Variants in KDM4A observed in about 807,000 individuals in gnomAD.
The protein encoded by KDM4A is lysine-specific demethylase 4A.
Under a neutral mutation model 127.1 loss-of-function variants are expected in KDM4A, and 23 were observed. The ratio of observed to expected loss-of-function variants is 0.18; its 90% CI spans 0.13 to 0.26. The LOEUF is 0.26. Ranked by LOEUF, KDM4A falls within the 10% of genes least tolerant of loss-of-function variation. The pLI, the probability that KDM4A is intolerant of heterozygous loss-of-function variation, is 1.00. For missense variants in KDM4A, 890 were observed against 1,329.1 expected (o/e 0.67, Z 5.14); for synonymous variants, 443 against 466.5 (o/e 0.95, Z 0.65).
chr1:43,667,056 C>T lies in KDM4A; in HGVS notation c.880C>T (p.Arg294Cys), dbSNP rs759387961. The T allele has an allele frequency of 2.4e-5, 38 of 1,614,004 alleles. No homozygotes were observed. Among genetic ancestry groups the T allele is most frequent in the Non-Finnish European group, 2.5e-5 (29 of 1,180,038 alleles). Residue 294 changes from arginine to cysteine, a missense_variant, in exon 8 of 22, where the codon CGT (arginine) becomes TGT (cysteine). Coordinates refer to ENST00000372396, the MANE Select transcript of KDM4A (RefSeq NM_014663.3). ...NCAESTNFAT[R>C]RWIEYGKQAV... Reference sequence around the variant, plus strand: ...TGCGGAGTCTACCAATTTTGCTACCCGTCGGTGGATTGAGTACGGCAAGCA... The same window carrying T: ...TGCGGAGTCTACCAATTTTGCTACCTGTCGGTGGATTGAGTACGGCAAGCA...
intron 11 of KDM4A, among the ~76,000 whole-genome samples, chr1:43,678,247 G>A (rs1660784256): frequency 1.3e-5 from 2 of 152,082 alleles, no homozygotes; most frequent in South Asian, 4.1e-4. Flanking sequence ...GGGGTGGGAG[G>A]GTTGGTCTGT....
At position 43,688,894 on chromosome 1, in the gene KDM4A, A is replaced by T. The variant is rs1352943600; in HGVS notation, c.1856-20A>T. 1 of 1,611,206 alleles carries T rather than the reference A, an allele frequency of 6.2e-7. No homozygotes were observed. Among genetic ancestry groups the T allele is most frequent in the Non-Finnish European group, 8.5e-7 (1 of 1,178,260 alleles). On this transcript the variant is annotated intron_variant, in intron 12 of 21. Transcript: ENST00000372396. This position sits in a 1 kb window ranked among gnomAD's most constrained non-coding sequence, Gnocchi z 4.4. ...ATGTGCAGGGTTAGTGCTGACTCAC[A>T]CTTCTGTTTCCTCCTCTAGAGACAT...
rs2154048662 is a variant in KDM4A at position 43,692,380 on chromosome 1, G to A, written c.2375+69G>A. The stretch of plus-strand genomic sequence containing the variant: ...CGAAGCACACAGTGTCTTTGTGAGG[G>A]TACTAGCTGTTCTTCTGAATGACTG... On this transcript the variant is annotated intron_variant, in intron 16 of 21. Transcript: ENST00000372396. 1.1e-5 allele frequency: 15 copies of A among 1,315,606 alleles called. No individual in the cohort carries two copies. The South Asian group carries it at 1.6e-4, about 14-fold the overall frequency. 81.5% of individuals were successfully genotyped at this position (1,315,606 alleles called of 1,614,324 possible).
At position 43,688,150 on chromosome 1, in the gene KDM4A, G is replaced by C. The variant is rs542864300; in HGVS notation, c.1856-764G>C. On this transcript the variant is annotated intron_variant, in intron 12 of 21. Coordinates refer to ENST00000372396, the MANE Select transcript of KDM4A (RefSeq NM_014663.3). This position sits in a 1 kb window ranked among gnomAD's most constrained non-coding sequence, Gnocchi z 4.4. ...TTGAGCCCAGGAGTTTGAGGCTGTGGTGAGCTATGATCGCACATGTAAATA... is the reference window on the plus strand; with the variant it reads ...TTGAGCCCAGGAGTTTGAGGCTGTGCTGAGCTATGATCGCACATGTAAATA... Among the ~76,000 whole-genome samples the C allele has an allele frequency of 1.7e-4, 26 of 152,260 alleles. No individual in the cohort carries two copies. Among genetic ancestry groups the C allele is most frequent in the Admixed American group, 1.6e-3 (24 of 15,294 alleles).
chr1:43,682,411 T>C (rs981341615), intron 11 of KDM4A, among the ~76,000 whole-genome samples: 2 of 152,180 alleles, frequency 1.3e-5, no homozygotes, highest in African/African-American at 4.8e-5. Context: ...ACAGTTGATA[T>C]AGTTCCGGTC....
At chr1:43,700,426 C>T (rs904501260) in intron 19 of KDM4A, among the ~76,000 whole-genome samples, 4 of 151,880 alleles carry the variant, frequency 2.6e-5, no homozygotes, top group African/African-American at 4.8e-5. Context: ...CACTCCCAGC[C>T]AAGGGAGGTA....
At chr1:43,689,225 C>A in intron 13 of KDM4A, 130 bp downstream of exon 13, 1 of 902,400 alleles carries the variant, frequency 1.1e-6, no homozygotes, top group East Asian at 2.5e-5. Flanking sequence ...ATTCTCTGCC[C>A]CATCTGTGTA....
At chr1:43,681,624 T>C (rs953455654) in intron 11 of KDM4A, among the ~76,000 whole-genome samples, 1 of 152,234 alleles carries the variant, frequency 6.6e-6, no homozygotes, top group Non-Finnish European at 1.5e-5. Context: ...CCACCGTTTC[T>C]GGCTTCTTTA....
At chr1:43,662,815 G>T in intron 4 of KDM4A, 79 bp from the exon 5 acceptor site, 2 of 1,228,782 alleles carry the variant, frequency 1.6e-6, no homozygotes, top group South Asian at 2.9e-5. Context: ...GCTTACTTGT[G>T]ACCTACTCTG....
intron 18 of KDM4A, among the ~76,000 whole-genome samples, chr1:43,695,256 G>A (rs1287768448): frequency 6.6e-6 from 1 of 152,230 alleles, no homozygotes; most frequent in Admixed American, 6.5e-5. Flanking sequence ...AATGGGGAGA[G>A]CTCCCAAGAG....
Position 43,693,008 on chromosome 1 carries a change from C to T in KDM4A, c.2375+697C>T, listed in dbSNP as rs952156570. Among the ~76,000 whole-genome samples, 3 of 152,200 alleles carry T rather than the reference C, an allele frequency of 2.0e-5. No individual in the cohort carries two copies. The highest frequency in any genetic ancestry group is 4.4e-5 in the Non-Finnish European group (3 of 68,034). On this transcript the variant is annotated intron_variant, in intron 16 of 21. Transcript: ENST00000372396. This position sits in a 1 kb window ranked among gnomAD's most constrained non-coding sequence, Gnocchi z 4.2. ...AGTAGAATCCCGTGGCAACTTGCAG[C>T]ATATGTTCAGTCCAGCCGCCTGCCC...
At chr1:43,657,584 T>C (rs535890855) in intron 3 of KDM4A, among the ~76,000 whole-genome samples, 1 of 152,116 alleles carries the variant, frequency 6.6e-6, no homozygotes, top group African/African-American at 2.4e-5. Context: ...TGAAGAAATG[T>C]GGGGCTCTGC....
At position 43,683,707 on chromosome 1, in the gene KDM4A, C is replaced by T. The variant is rs1660908683; in HGVS notation, c.1758C>T (p.Ser586=). The stretch of plus-strand genomic sequence containing the variant: ...AGGTTGCAGATGAATACATGTTTTC[C>T]CTAGAAGAGAATAAGAAGTCCAAGG... ...LAEVADEYMF[S]LEENKKSKGR... is the part of the protein sequence containing the mutation. The change falls in exon 12 of 22, where the codon TCC becomes TCT. Residue 586 remains serine (S), a synonymous_variant. Transcript: ENST00000372396. 4 of 1,613,732 alleles carry T rather than the reference C, an allele frequency of 2.5e-6. No individual in the cohort carries two copies. Among genetic ancestry groups the T allele is most frequent in the Non-Finnish European group, 3.4e-6 (4 of 1,179,894 alleles).
chr1:43,691,634 C>A, intron 15 of KDM4A, 62 bp downstream of exon 15: 1 of 1,409,636 alleles, frequency 7.1e-7, no homozygotes, highest in Non-Finnish European at 1.0e-6. Context: ...CAGGGCCAGA[C>A]GATTTCATGT....
chr1:43,688,895 C>G lies in KDM4A; in HGVS notation c.1856-19C>G. 6.2e-7 allele frequency: 1 copy of G among 1,612,092 alleles called. No homozygotes were observed. Among genetic ancestry groups the G allele is most frequent in the Admixed American group, 1.7e-5 (1 of 59,896 alleles). Reference sequence around the variant, plus strand: ...TGTGCAGGGTTAGTGCTGACTCACACTTCTGTTTCCTCCTCTAGAGACATC... The same window carrying G: ...TGTGCAGGGTTAGTGCTGACTCACAGTTCTGTTTCCTCCTCTAGAGACATC... On this transcript the variant is annotated intron_variant, in intron 12 of 21. Coordinates refer to ENST00000372396, the MANE Select transcript of KDM4A (RefSeq NM_014663.3). The surrounding 1 kb of genome is among the most constrained non-coding windows in gnomAD (Gnocchi z 4.4).
chr1:43,666,161 C>A (rs1425773008), intron 6 of KDM4A: 15 of 398,452 alleles, frequency 3.8e-5, no homozygotes, highest in Non-Finnish European at 3.1e-5. Flanking sequence ...ATACAAGTGA[C>A]TGGAGAAAAG....
In KDM4A at chr1:43,704,532, C is replaced by T. The variant is rs1661499108; in HGVS notation, c.*162C>T. ...TCTTCTCACCCACCCTCATTGCATT[C>T]CGCTGTAGTGAAAGGACGAGCCATT... On this transcript the variant is annotated 3_prime_UTR_variant, in exon 22 of 22. Transcript: ENST00000372396. 5 of 763,996 alleles carry T rather than the reference C, an allele frequency of 6.5e-6. 1 individual carries two copies. In the South Asian group the frequency reaches 9.2e-5, roughly 14 times the overall value. The allele number at this position is 763,996 out of a possible 1,614,324, so 47.3% of individuals were successfully genotyped here. A position where few individuals can be genotyped will look rare whatever the true frequency, so the allele number is the denominator to read the frequency against.
Position 43,690,869 on chromosome 1 carries a change from A to T in KDM4A, c.2062A>T (p.Asn688Tyr). Residue 688 changes from asparagine to tyrosine, a missense_variant, in exon 14 of 22, where the codon AAC (asparagine) becomes TAC (tyrosine). Asn to Tyr is a moderately radical substitution (Grantham distance 143). Around this residue, in one of 7 missense-constraint regions of KDM4A, gnomAD observed 389 missense variants for 485.9 expected, o/e 0.80. Transcript: ENST00000372396. ...HQVEFGGFNQNCGNASDLAPQ... is the reference protein window; with the variant it reads ...HQVEFGGFNQYCGNASDLAPQ... Reference sequence around the variant, plus strand: ...GGTTGAATTTGGAGGCTTTAATCAGAACTGTGGAAATGCTTCAGATTTAGC... The same window carrying T: ...GGTTGAATTTGGAGGCTTTAATCAGTACTGTGGAAATGCTTCAGATTTAGC... 6.2e-7 allele frequency: 1 copy of T among 1,614,204 alleles called. No individual in the cohort carries two copies. The highest frequency in any genetic ancestry group is 8.5e-7 in the Non-Finnish European group (1 of 1,180,046).
intron 12 of KDM4A, among the ~76,000 whole-genome samples, chr1:43,687,936 C>G (rs564415460): frequency 6.6e-6 from 1 of 151,922 alleles, no homozygotes; most frequent in African/African-American, 2.4e-5. Flanking sequence ...GAGACACCAT[C>G]TGTCATGACC....
Sources: gnomAD v4.1 joint callset for allele counts (sites outside exome capture counted in the v4.1 genomes callset) on GRCh38, gnomAD v4.1.1 for gene constraint, gnomAD v4.1.1 regional missense constraint, Gnocchi (gnomAD v3.1) non-coding constraint, MANE v1.5 for transcripts, NCBI Gene and HGNC (gene_info 2026-07-23, HGNC 2026-07-21) for gene names.